ZNF536: variants seen among roughly 807,000 people sequenced by gnomAD.
The protein encoded by ZNF536 is zinc finger protein 536.
A neutral mutation model predicts 84.5 loss-of-function variants in ZNF536; 13 were observed. The ratio of observed to expected loss-of-function variants is 0.15; its 90% CI spans 0.10 to 0.24. The LOEUF is 0.24. ZNF536 is among the 10% of genes least tolerant of loss of function. ZNF536 has a pLI of 1.00. For missense variants in ZNF536, 1,536 were observed against 1,747.5 expected (o/e 0.88, Z 2.16); for synonymous variants, 811 against 742.5 (o/e 1.09, Z -1.50).
intron 2 of ZNF536, among the ~76,000 whole-genome samples, chr19:30,510,212 A>G (rs980025205): frequency 6.6e-6 from 1 of 152,194 alleles, no homozygotes; most frequent in Non-Finnish European, 1.5e-5. Flanking sequence ...CTTGTTTGTT[A>G]TGAGAAAGGC....
chr19:30,280,011 G>A (rs889110201), intron 1 of ZNF536, among the ~76,000 whole-genome samples: 6 of 152,276 alleles, frequency 3.9e-5, no homozygotes, highest in African/African-American at 9.6e-5. Context: ...GCCATCCTGT[G>A]TCTCCCCAGG....
intron 1 of ZNF536, among the ~76,000 whole-genome samples, chr19:30,415,470 G>T (rs1484218514): frequency 6.7e-6 from 1 of 149,646 alleles, no homozygotes; most frequent in Non-Finnish European, 1.5e-5. Context: ...TTCTTGATGT[G>T]ACAGTGTGTG....
intron 1 of ZNF536, among the ~76,000 whole-genome samples, chr19:30,687,460 T>G (rs973689710): frequency 6.6e-6 from 1 of 152,186 alleles, no homozygotes; most frequent in Non-Finnish European, 1.5e-5. Context: ...AAGCTGAATT[T>G]ATTTTACTTG....
intron 1 of ZNF536, among the ~76,000 whole-genome samples, chr19:30,605,875 G>A (rs1457371057): frequency 6.6e-6 from 1 of 152,130 alleles, no homozygotes; most frequent in Non-Finnish European, 1.5e-5. Flanking sequence ...CCTGGCTTCA[G>A]ATAGGAGCCG....
intron 2 of ZNF536, among the ~76,000 whole-genome samples, chr19:30,304,247 C>A (rs142662006): frequency 3.9e-4 from 60 of 152,320 alleles, no homozygotes; most frequent in African/African-American, 1.4e-3. Flanking sequence ...GCATTTGCAT[C>A]TTCATCTCAG....
At chr19:30,419,646 G>A (rs1381190754) in intron 1 of ZNF536, among the ~76,000 whole-genome samples, 2 of 152,190 alleles carry the variant, frequency 1.3e-5, no homozygotes, top group Non-Finnish European at 2.9e-5. Context: ...TAAAGGAAAC[G>A]TGAGTTTTGT....
chr19:30,652,495 C>G (rs8104134), intron 1 of ZNF536, among the ~76,000 whole-genome samples: 1 of 152,078 alleles, frequency 6.6e-6, no homozygotes, highest in African/African-American at 2.4e-5. Flanking sequence ...TCTCTGCTGA[C>G]GAGGCCTGGG....
intron 1 of ZNF536, among the ~76,000 whole-genome samples, chr19:30,383,701 C>CTTTCTCTTTCTT (rs1555737833): frequency 8.6e-4 from 10 of 11,564 alleles, no homozygotes; most frequent in South Asian, 1.6e-3. Context: ...TCTTTTCTTT[C>CTTTCTCTTTCTT]TCTTTCTTTC....
At chr19:30,333,323 C>T (rs900812897) in intron 2 of ZNF536, among the ~76,000 whole-genome samples, 7 of 152,162 alleles carry the variant, frequency 4.6e-5, no homozygotes, top group African/African-American at 1.7e-4. Context: ...CAGAGACGTC[C>T]GGGAGTTGCA....
intron 1 of ZNF536, among the ~76,000 whole-genome samples, chr19:30,641,480 A>G (rs563928803): frequency 1.9e-4 from 29 of 152,336 alleles, no homozygotes; most frequent in Non-Finnish European, 3.4e-4. Context: ...ATTAAAACGT[A>G]TATGTATAAA....
chr19:30,702,543 C>A (rs564930045), intron 1 of ZNF536, among the ~76,000 whole-genome samples: 35 of 152,286 alleles, frequency 2.3e-4, no homozygotes, highest in Admixed American at 2.0e-3. Context: ...ATTCTGGGAA[C>A]TGGTGTGGCG....
intron 2 of ZNF536, among the ~76,000 whole-genome samples, chr19:30,318,452 GT>G (rs1291124377): frequency 1.3e-5 from 2 of 152,258 alleles, no homozygotes; most frequent in Non-Finnish European, 2.9e-5. Context: ...AATTAGAGTA[GT>G]TTTAAATATG....
chr19:30,235,593 T>G (rs898077073), intron 1 of ZNF536, among the ~76,000 whole-genome samples: 3 of 152,226 alleles, frequency 2.0e-5, no homozygotes, highest in African/African-American at 7.2e-5. Context: ...GATATTTAAT[T>G]TTATCTTCTG....
At chr19:30,383,846 CCTTCCT>C (rs2049171438) in intron 1 of ZNF536, among the ~76,000 whole-genome samples, 1 of 127,472 alleles carries the variant, frequency 7.8e-6, no homozygotes, top group Non-Finnish European at 1.6e-5. Flanking sequence ...TTCCTTCCTT[CCTTCCT>C]TCCTTCCTTC....
At chr19:30,399,228 T>C (rs1439178185) in intron 1 of ZNF536, among the ~76,000 whole-genome samples, 1 of 152,234 alleles carries the variant, frequency 6.6e-6, no homozygotes, top group Non-Finnish European at 1.5e-5. Flanking sequence ...TCGAGAAGTG[T>C]CTGTTCATAT....
At chr19:30,436,585 G>A (rs2051759770) in intron 1 of ZNF536, 2 of 814,930 alleles carry the variant, frequency 2.5e-6, no homozygotes, top group Admixed American at 1.2e-4. Context: ...ACCCTGAAAA[G>A]GTTCAGTAGT....
chr19:30,644,731 G>T (rs1019899834), intron 1 of ZNF536, among the ~76,000 whole-genome samples: 2 of 152,210 alleles, frequency 1.3e-5, no homozygotes, highest in Non-Finnish European at 2.9e-5. Flanking sequence ...ATTCTATGGT[G>T]TATATGTGCC....
intron 2 of ZNF536, among the ~76,000 whole-genome samples, chr19:30,302,522 G>C (rs1459112524): frequency 1.3e-5 from 2 of 152,144 alleles, no homozygotes; most frequent in African/African-American, 2.4e-5. Context: ...AGGTGTCTGG[G>C]TCCATGCGGC....
At chr19:30,602,876 GA>G (rs1181251103) in intron 1 of ZNF536, among the ~76,000 whole-genome samples, 15 of 152,328 alleles carry the variant, frequency 9.8e-5, no homozygotes, top group African/African-American at 2.9e-4. Flanking sequence ...TCCTGCCTTT[GA>G]AAAGCTGCTT....
Sources: gnomAD v4.1 joint callset for allele counts (sites outside exome capture counted in the v4.1 genomes callset) on GRCh38, gnomAD v4.1.1 for gene constraint, MANE v1.5 for transcripts, NCBI Gene and HGNC (gene_info 2026-07-23, HGNC 2026-07-21) for gene names.